Variants in TNFRSF21 observed in about 807,000 individuals in gnomAD.
TNFRSF21 encodes TNF receptor superfamily member 21.
Under a neutral mutation model 45.6 loss-of-function variants are expected in TNFRSF21, and 19 were observed. The ratio of observed to expected loss-of-function variants is 0.42; its 90% CI spans 0.29 to 0.61. The LOEUF is 0.61. Ranked by LOEUF, TNFRSF21 falls within the 20% of genes least tolerant of loss-of-function variation. The pLI, the probability that TNFRSF21 is intolerant of heterozygous loss-of-function variation, is 0.23. For missense variants in TNFRSF21, 737 were observed against 851.5 expected (o/e 0.87, Z 1.67); for synonymous variants, 314 against 335.5 (o/e 0.94, Z 0.70).
chr6:47,244,290 C>T (rs899052942), intron 4 of TNFRSF21, among the ~76,000 whole-genome samples: 26 of 143,396 alleles, frequency 1.8e-4, no homozygotes, highest in South Asian at 6.5e-4. Flanking sequence ...CGCCACTGCA[C>T]GCCAGCCTGG....
intron 3 of TNFRSF21, among the ~76,000 whole-genome samples, chr6:47,272,140 G>C (rs1326307718): frequency 6.6e-6 from 1 of 152,096 alleles, no homozygotes; most frequent in Non-Finnish European, 1.5e-5. Flanking sequence ...ATCCAGACTT[G>C]AACTCAGCTC....
intron 5 of TNFRSF21, 108 bp from the exon 6 acceptor site, chr6:47,233,102 G>GT: frequency 1.1e-6 from 1 of 933,976 alleles, no homozygotes; most frequent in African/African-American, 1.6e-5. Context: ...GTCCCCCCCA[G>GT]CCTATTATTC....
intron 3 of TNFRSF21, among the ~76,000 whole-genome samples, chr6:47,269,226 AACAC>A (rs557703110): frequency 0.022 from 3,247 of 150,806 alleles, 137 homozygotes; most frequent in African/African-American, 0.076. Flanking sequence ...CACAGACACA[AACAC>A]ACACACACAA....
At chr6:47,307,366 G>A (rs1176218750) in intron 1 of TNFRSF21, among the ~76,000 whole-genome samples, 1 of 152,114 alleles carries the variant, frequency 6.6e-6, no homozygotes, top group Non-Finnish European at 1.5e-5. Context: ...GGTAGGTTGA[G>A]TTTGATGACT....
intron 5 of TNFRSF21, among the ~76,000 whole-genome samples, chr6:47,234,032 CCCAG>C (rs1192759207): frequency 6.6e-6 from 1 of 152,102 alleles, no homozygotes; most frequent in African/African-American, 2.4e-5. Flanking sequence ...GCTCTTGTCA[CCCAG>C]TCTGGAGTAC....
At chr6:47,233,670 A>G (rs565221011) in intron 5 of TNFRSF21, among the ~76,000 whole-genome samples, 1 of 118,852 alleles carries the variant, frequency 8.4e-6, no homozygotes, top group South Asian at 2.5e-4. Flanking sequence ...AAACTAAAAT[A>G]TAAATATTTT....
In TNFRSF21 at chr6:47,284,244, G is replaced by A; in HGVS notation, c.937C>T (p.Leu313=). 2 of 1,613,832 alleles carry A rather than the reference G, an allele frequency of 1.2e-6. No individual in the cohort carries two copies. The highest frequency in any genetic ancestry group is 1.7e-6 in the Non-Finnish European group (2 of 1,179,802). The stretch of plus-strand genomic sequence containing the variant: ...CCCCCAGTGGCCTCCATGGACGGCA[G>A]CAGCTTCAGGATGTGTCTGTGGTGG... ...GPHHRHILKL[L]PSMEATGGEK... The change falls in exon 3 of 6, where the codon CTG becomes TTG. Residue 313 remains leucine (L), a synonymous_variant. Transcript: ENST00000296861.
Position 47,270,377 on chromosome 6 carries a change from G to C in TNFRSF21, c.1243+13561C>G, listed in dbSNP as rs532202204. Among the ~76,000 whole-genome samples the C allele has an allele frequency of 2.6e-5, 4 of 152,338 alleles. No individual in the cohort carries two copies. In the East Asian group the frequency reaches 7.7e-4, roughly 29 times the overall value. On this transcript the variant is annotated intron_variant, in intron 3 of 5. Coordinates refer to ENST00000296861, the MANE Select transcript of TNFRSF21 (RefSeq NM_014452.5). ...GGTGATACCCAGGCGAACAAGGTCTGGAGTGGACCTCCAGCAAAATCCAAC... is the reference window on the plus strand; with the variant it reads ...GGTGATACCCAGGCGAACAAGGTCTCGAGTGGACCTCCAGCAAAATCCAAC...
rs926338865 is a variant in TNFRSF21, at chr6:47,276,059, A to G, written c.1243+7879T>C. Among the ~76,000 whole-genome samples the G allele has an allele frequency of 2.8e-4, 42 of 152,208 alleles. 1 individual carries two copies. Among genetic ancestry groups the G allele is most frequent in the Non-Finnish European group, 1.5e-4 (10 of 68,044 alleles). Reference sequence around the variant, plus strand: ...TCAAGTCTCCTGATTTTACAAAGAAAGATGAGATCCAAAGAGAGAAAGTGC... The same window carrying G: ...TCAAGTCTCCTGATTTTACAAAGAAGGATGAGATCCAAAGAGAGAAAGTGC... On this transcript the variant is annotated intron_variant, in intron 3 of 5. Transcript: ENST00000296861.
chr6:47,280,732 G>A (rs969002569), intron 3 of TNFRSF21, among the ~76,000 whole-genome samples: 8 of 152,140 alleles, frequency 5.3e-5, no homozygotes, highest in Admixed American at 4.6e-4. Context: ...TCATAAGAAC[G>A]TCTAAGGTCA....
Position 47,309,484 on chromosome 6 carries a change from C to G in TNFRSF21, c.28G>C (p.Ala10Pro). Residue 10 changes from alanine to proline, a missense_variant, in exon 1 of 6, where the codon GCC (alanine) becomes CCC (proline). Ala to Pro is a conservative substitution (Grantham distance 27, BLOSUM62 -1). Transcript: ENST00000296861. MGTSPSSSTALASCSRIARR... is the reference protein window; with the variant it reads MGTSPSSSTPLASCSRIARR... The stretch of plus-strand genomic sequence containing the variant: ...GCGATGCGGCTGCAGGAGGCGAGGG[C>G]GGTGCTGCTGCTCGGAGAGGTCCCC... 1 of 1,524,228 alleles carries G rather than the reference C, an allele frequency of 6.6e-7. No homozygotes were observed. The highest frequency in any genetic ancestry group is 8.7e-7 in the Non-Finnish European group (1 of 1,143,200). The allele number at this position is 1,524,228 out of a possible 1,614,324, so 94.4% of individuals were successfully genotyped here.
At chr6:47,300,039 T>C (rs1375223888) in intron 1 of TNFRSF21, among the ~76,000 whole-genome samples, 1 of 152,260 alleles carries the variant, frequency 6.6e-6, no homozygotes, top group African/African-American at 2.4e-5. Flanking sequence ...TCATTAGTGC[T>C]GCTTGCAGTG....
intron 3 of TNFRSF21, among the ~76,000 whole-genome samples, chr6:47,255,649 A>G (rs1582325359): frequency 6.6e-6 from 1 of 152,102 alleles, no homozygotes; most frequent in African/African-American, 2.4e-5. Flanking sequence ...TTTAGTAGAG[A>G]TGAGGTTTCA....
intron 4 of TNFRSF21, among the ~76,000 whole-genome samples, chr6:47,251,142 C>G (rs1015530953): frequency 3.3e-5 from 5 of 152,036 alleles, no homozygotes; most frequent in Admixed American, 3.3e-4. Flanking sequence ...GATACTCAAC[C>G]TGTAATAAGA....
intron 4 of TNFRSF21, among the ~76,000 whole-genome samples, chr6:47,240,025 C>A (rs1402470786): frequency 6.6e-6 from 1 of 152,154 alleles, no homozygotes; most frequent in South Asian, 2.1e-4. Context: ...GATGCATCAG[C>A]GACCCCCTGA....
chr6:47,239,285 C>CAAAAAAA (rs548172761), intron 4 of TNFRSF21, among the ~76,000 whole-genome samples: 1 of 57,358 alleles, frequency 1.7e-5, no homozygotes, highest in Non-Finnish European at 3.7e-5. Context: ...GACTCCATCT[C>CAAAAAAA]AAAAAAAAAA....
chr6:47,244,900 C>G (rs538310569), intron 4 of TNFRSF21, among the ~76,000 whole-genome samples: 1 of 152,320 alleles, frequency 6.6e-6, no homozygotes, highest in East Asian at 1.9e-4. Context: ...ATAAGGGACA[C>G]TTTCACAAAC....
intron 4 of TNFRSF21, among the ~76,000 whole-genome samples, chr6:47,239,569 G>A (rs186534739): frequency 2.6e-5 from 4 of 152,296 alleles, no homozygotes; most frequent in Non-Finnish European, 5.9e-5. Context: ...GCAGGAATAG[G>A]CGAGAACTCC....
intron 3 of TNFRSF21, among the ~76,000 whole-genome samples, chr6:47,274,896 C>T (rs1180654292): frequency 6.6e-6 from 1 of 152,214 alleles, no homozygotes; most frequent in Non-Finnish European, 1.5e-5. Flanking sequence ...AAATGCTCAT[C>T]ATCACTGGTC....
Sources: allele counts gnomAD v4.1 joint callset (sites outside exome capture counted in the v4.1 genomes callset), GRCh38; gene constraint gnomAD v4.1.1; transcripts MANE v1.5; gene names NCBI Gene and HGNC (gene_info 2026-07-23, HGNC 2026-07-21).